RALYL: variants seen among roughly 807,000 people sequenced by gnomAD.
The protein encoded by RALYL is RNA-binding Raly-like protein.
Under a neutral mutation model 35.1 loss-of-function variants are expected in RALYL, and 29 were observed. That is an observed-to-expected ratio of 0.83 (90% CI 0.61 to 1.13). RALYL has a LOEUF of 1.13. RALYL is among the 50% of genes most tolerant of loss of function. The probability of loss-of-function intolerance (pLI) is 0.00; values close to 1 mark genes in which losing one functional copy is unlikely to be tolerated. For synonymous variants in RALYL, 120 were observed against 127.6 expected, an observed-to-expected ratio of 0.94 and a Z score of 0.40; for missense variants, 359 against 360.4, an observed-to-expected ratio of 1.00 and a Z score of 0.03.
intron 2 of RALYL, among the ~76,000 whole-genome samples, chr8:84,590,252 A>C (rs893483894): frequency 1.3e-5 from 2 of 152,220 alleles, no homozygotes; most frequent in African/African-American, 4.8e-5. Flanking sequence ...TAGCAAACTA[A>C]AGCTTCCACA....
At chr8:84,759,602 G>A (rs1179798260) in intron 2 of RALYL, among the ~76,000 whole-genome samples, 4 of 152,148 alleles carry the variant, frequency 2.6e-5, no homozygotes, top group Non-Finnish European at 5.9e-5. Flanking sequence ...TACATCTGGT[G>A]TCAGAAAGAA....
At chr8:84,815,007 TC>T (rs1033506848) in intron 4 of RALYL, among the ~76,000 whole-genome samples, 1 of 152,222 alleles carries the variant, frequency 6.6e-6, no homozygotes, top group African/African-American at 2.4e-5. Context: ...TTCATCCACC[TC>T]CATTGTTTTC....
chr8:84,722,647 A>G (rs1470633483), intron 2 of RALYL, among the ~76,000 whole-genome samples: 1 of 135,402 alleles, frequency 7.4e-6, no homozygotes, highest in Non-Finnish European at 1.6e-5. Context: ...ATATATATAT[A>G]TGTATGTATA....
intron 6 of RALYL, among the ~76,000 whole-genome samples, chr8:84,865,874 A>G (rs1839089146): frequency 6.6e-6 from 1 of 152,236 alleles, no homozygotes; most frequent in Admixed American, 6.5e-5. Flanking sequence ...GCCCTGAAGC[A>G]TCTAACAGGA....
At chr8:84,708,745 T>C (rs1841644865) in intron 2 of RALYL, among the ~76,000 whole-genome samples, 2 of 152,178 alleles carry the variant, frequency 1.3e-5, no homozygotes, top group African/African-American at 4.8e-5. Context: ...AAGGAAAACC[T>C]GTAACCTCCC....
chr8:84,776,330 T>G (rs574277183), intron 3 of RALYL, among the ~76,000 whole-genome samples: 1 of 152,314 alleles, frequency 6.6e-6, no homozygotes, highest in South Asian at 2.1e-4. Context: ...TCAGAGATTT[T>G]TAAAGCTATA....
intron 2 of RALYL, among the ~76,000 whole-genome samples, chr8:84,632,812 A>G (rs1224145584): frequency 6.6e-6 from 1 of 151,938 alleles, no homozygotes; most frequent in East Asian, 1.9e-4. Context: ...TTCCCAGAGG[A>G]ATATACAGTG....
chr8:84,809,646 T>C (rs539129129), intron 4 of RALYL, among the ~76,000 whole-genome samples: 14 of 152,116 alleles, frequency 9.2e-5, no homozygotes, highest in Non-Finnish European at 1.8e-4. Context: ...TAAATTACCA[T>C]TTCAATCTCC....
At chr8:84,908,087 A>C (rs1175100707) in intron 8 of RALYL, among the ~76,000 whole-genome samples, 1 of 152,160 alleles carries the variant, frequency 6.6e-6, no homozygotes, top group African/African-American at 2.4e-5. Flanking sequence ...TATATTGATA[A>C]ATTATAATTG....
chr8:84,449,504 T>C (rs1236045864), intron 1 of RALYL, among the ~76,000 whole-genome samples: 1 of 151,986 alleles, frequency 6.6e-6, no homozygotes. Context: ...AAAAAGGGAT[T>C]TTCTCCTTTT....
chr8:84,776,538 A>T (rs1229306526), intron 3 of RALYL, among the ~76,000 whole-genome samples: 1 of 152,208 alleles, frequency 6.6e-6, no homozygotes, highest in East Asian at 1.9e-4. Flanking sequence ...AAAGGAGATG[A>T]TTTATAAAAC....
intron 2 of RALYL, among the ~76,000 whole-genome samples, chr8:84,568,847 T>C (rs1807145861): frequency 6.6e-6 from 1 of 151,512 alleles, no homozygotes; most frequent in Non-Finnish European, 1.5e-5. Flanking sequence ...CATAAATGTC[T>C]TCTTTTGAGA....
intron 2 of RALYL, among the ~76,000 whole-genome samples, chr8:84,589,293 A>G (rs144854719): frequency 6.6e-6 from 1 of 152,246 alleles, no homozygotes; most frequent in African/African-American, 2.4e-5. Flanking sequence ...AATCTTAAAC[A>G]TATGGATAGG....
In RALYL at chr8:84,389,668, G is replaced by A. The variant is rs572880657; in HGVS notation, c.-23-139631G>A. On this transcript the variant is annotated intron_variant, in intron 1 of 8. Coordinates refer to ENST00000521268, the MANE Select transcript of RALYL (RefSeq NM_173848.7). ...TTGTGTGTTACTGGTGTATAAGAAT[G>A]CTTGTGATTTTTGTACATTGATTTT... is the stretch of plus-strand genomic sequence containing the variant. Among the ~76,000 whole-genome samples the A allele has an allele frequency of 2.0e-5, 3 of 151,090 alleles. No individual in the cohort carries two copies. The East Asian group carries it at 5.8e-4, about 29-fold the overall frequency.
intron 1 of RALYL, among the ~76,000 whole-genome samples, chr8:84,227,560 A>C (rs1824247787): frequency 6.6e-6 from 1 of 152,176 alleles, no homozygotes; most frequent in Admixed American, 6.5e-5. Context: ...AACAAAAGTT[A>C]CATGATCTTA....
intron 4 of RALYL, among the ~76,000 whole-genome samples, chr8:84,845,730 CA>C (rs1289448157): frequency 1.3e-5 from 2 of 151,562 alleles, no homozygotes; most frequent in Non-Finnish European, 3.0e-5. Context: ...TAGCCAATAT[CA>C]AAAAGGGGAT....
intron 8 of RALYL, among the ~76,000 whole-genome samples, chr8:84,915,701 A>G (rs923061117): frequency 6.6e-6 from 1 of 152,060 alleles, no homozygotes; most frequent in Non-Finnish European, 1.5e-5. Flanking sequence ...CAGCTTCACC[A>G]CTGAACCACT....
At chr8:84,420,321 T>C (rs2045354881) in intron 1 of RALYL, among the ~76,000 whole-genome samples, 1 of 152,144 alleles carries the variant, frequency 6.6e-6, no homozygotes, top group African/African-American at 2.4e-5. Flanking sequence ...TTTTCATGTG[T>C]TTTTTGGCTG....
intron 1 of RALYL, among the ~76,000 whole-genome samples, chr8:84,330,479 G>C (rs1301953847): frequency 6.6e-6 from 1 of 152,068 alleles, no homozygotes; most frequent in Non-Finnish European, 1.5e-5. Context: ...AACAACCAAA[G>C]TTATTATCTG....
Sources: gnomAD v4.1 joint callset for allele counts (sites outside exome capture counted in the v4.1 genomes callset) on GRCh38, gnomAD v4.1.1 for gene constraint, MANE v1.5 for transcripts, NCBI Gene and HGNC (gene_info 2026-07-23, HGNC 2026-07-21) for gene names.